CERS6: variants seen among roughly 807,000 people sequenced by gnomAD.
CERS6 encodes LAG1 homolog, ceramide synthase 6.
A neutral mutation model predicts 56.8 loss-of-function variants in CERS6; 26 were observed. The observed-to-expected ratio is 0.46, with a 90% CI of 0.34 to 0.63. CERS6 has a LOEUF of 0.63. Among genes scored for constraint, CERS6 ranks in the 30% least tolerant of loss-of-function variants. The pLI is 0.01. For missense variants in CERS6, 415 were observed against 467.5 expected, an observed-to-expected ratio of 0.89 and a Z score of 1.04; for synonymous variants, 164 against 173.3, an observed-to-expected ratio of 0.95 and a Z score of 0.42.
chr2:168,707,193 A>G (rs367861162), intron 6 of CERS6, among the ~76,000 whole-genome samples: 1 of 152,220 alleles, frequency 6.6e-6, no homozygotes, highest in Non-Finnish European at 1.5e-5. Flanking sequence ...AATTAATTTC[A>G]TGGCACTTGG....
chr2:168,688,014 C>T (rs1670137774), intron 4 of CERS6, among the ~76,000 whole-genome samples: 1 of 152,156 alleles, frequency 6.6e-6, no homozygotes, highest in African/African-American at 2.4e-5. Flanking sequence ...CAAAATTTGG[C>T]TTCAGATTTT....
At chr2:168,682,700 G>A (rs1686250640) in intron 4 of CERS6, among the ~76,000 whole-genome samples, 1 of 152,176 alleles carries the variant, frequency 6.6e-6, no homozygotes, top group South Asian at 2.1e-4. Context: ...GGGAGTTGGT[G>A]GATAAATGCT....
intron 1 of CERS6, among the ~76,000 whole-genome samples, chr2:168,498,384 G>T (rs907761488): frequency 3.3e-5 from 5 of 152,092 alleles, no homozygotes; most frequent in African/African-American, 1.2e-4. Context: ...TTCTAAAAGA[G>T]GGTACCACAA....
intron 4 of CERS6, among the ~76,000 whole-genome samples, chr2:168,644,734 C>A (rs1278108805): frequency 6.6e-6 from 1 of 151,988 alleles, no homozygotes; most frequent in African/African-American, 2.4e-5. Context: ...TTACCAGGCA[C>A]TGAAGAGGTA....
intron 1 of CERS6, among the ~76,000 whole-genome samples, chr2:168,522,414 GT>G (rs1366841066): frequency 2.6e-5 from 4 of 152,134 alleles, no homozygotes; most frequent in Non-Finnish European, 2.9e-5. Context: ...TTTTCTCTTT[GT>G]TACTGCAAGT....
chr2:168,756,139 G>A (rs1478594508), intron 8 of CERS6, among the ~76,000 whole-genome samples: 1 of 152,148 alleles, frequency 6.6e-6, no homozygotes, highest in African/African-American at 2.4e-5. Context: ...AGGTTTCAGA[G>A]CCATTTCTGC....
chr2:168,695,030 G>A lies in CERS6; in HGVS notation c.588G>A (p.Gln196=), dbSNP rs930586082. The change falls in exon 6 of 10, where the codon CAG becomes CAA. Residue 196 remains glutamine, a synonymous_variant. Coordinates refer to ENST00000305747, the MANE Select transcript of CERS6 (RefSeq NM_203463.3). The part of the protein sequence containing the change: ...LSFYWSLMFS[Q]FTDIKRKDFG... ...TTTATTGGTCTTTGATGTTTTCTCA[G>A]TTCACTGATATCAAAAGAAAGGTAA... is the stretch of plus-strand genomic sequence containing the variant. 3 of 1,612,928 alleles carry A rather than the reference G, an allele frequency of 1.9e-6. No homozygotes were observed. In the Admixed American group the frequency reaches 5.0e-5, roughly 27 times the overall value.
At chr2:168,609,115 G>A (rs1318414928) in intron 3 of CERS6, among the ~76,000 whole-genome samples, 1 of 152,088 alleles carries the variant, frequency 6.6e-6, no homozygotes, top group Non-Finnish European at 1.5e-5. Context: ...TGACTTCAAG[G>A]GCATCAGTAG....
At chr2:168,656,211 G>GTAAC (rs1685464950) in intron 4 of CERS6, among the ~76,000 whole-genome samples, 2 of 152,188 alleles carry the variant, frequency 1.3e-5, no homozygotes, top group African/African-American at 4.8e-5. Flanking sequence ...CTTTATAGGG[G>GTAAC]GTTAATGTGT....
chr2:168,521,070 A>T (rs1357856882), intron 1 of CERS6, among the ~76,000 whole-genome samples: 1 of 152,168 alleles, frequency 6.6e-6, no homozygotes, highest in Non-Finnish European at 1.5e-5. Context: ...TTGATAGATT[A>T]CTAAGTCAAG....
At chr2:168,516,361 A>G (rs912627190) in intron 1 of CERS6, among the ~76,000 whole-genome samples, 1 of 152,176 alleles carries the variant, frequency 6.6e-6, no homozygotes, top group Non-Finnish European at 1.5e-5. Context: ...ATGTAATATC[A>G]TATAATAAAT....
At chr2:168,744,380 T>C (rs113932323) in intron 8 of CERS6, among the ~76,000 whole-genome samples, 1 of 152,264 alleles carries the variant, frequency 6.6e-6, no homozygotes, top group African/African-American at 2.4e-5. Context: ...CCTTTTTTTT[T>C]TCAGGCTATC....
intron 1 of CERS6, among the ~76,000 whole-genome samples, chr2:168,494,657 G>C (rs1694432010): frequency 6.6e-6 from 1 of 152,116 alleles, no homozygotes; most frequent in Admixed American, 6.5e-5. Flanking sequence ...CCGAAGAAGA[G>C]ACCCAGAGCC....
chr2:168,680,269 G>A (rs900170684), intron 4 of CERS6, among the ~76,000 whole-genome samples: 3 of 152,152 alleles, frequency 2.0e-5, no homozygotes, highest in Non-Finnish European at 4.4e-5. Flanking sequence ...CGGTCACAGT[G>A]GTCTGCCAAG....
intron 1 of CERS6, among the ~76,000 whole-genome samples, chr2:168,529,822 G>A (rs1695134139): frequency 6.6e-6 from 1 of 152,142 alleles, no homozygotes; most frequent in Non-Finnish European, 1.5e-5. Flanking sequence ...GAATTGTAAG[G>A]CACCTAGAAA....
intron 4 of CERS6, among the ~76,000 whole-genome samples, chr2:168,684,647 A>G (rs955536365): frequency 2.0e-5 from 3 of 152,210 alleles, no homozygotes; most frequent in Non-Finnish European, 2.9e-5. Context: ...ATAAGCAAAG[A>G]TGTTGAGAGG....
chr2:168,600,070 A>G (rs929661553), intron 3 of CERS6, among the ~76,000 whole-genome samples: 1 of 152,090 alleles, frequency 6.6e-6, no homozygotes, highest in African/African-American at 2.4e-5. Context: ...AGGCTCTAAT[A>G]TATCCTGGTT....
chr2:168,553,028 G>C (rs1459431593), intron 2 of CERS6, among the ~76,000 whole-genome samples: 4 of 152,188 alleles, frequency 2.6e-5, no homozygotes, highest in Admixed American at 2.0e-4. Flanking sequence ...AGAAAGAAAT[G>C]GTTGGTCAAC....
At chr2:168,641,697 A>G (rs137883114) in intron 4 of CERS6, among the ~76,000 whole-genome samples, 72 of 152,326 alleles carry the variant, frequency 4.7e-4, no homozygotes, top group African/African-American at 1.7e-3. Context: ...GAGGTGTTCA[A>G]TAAATAGGAA....
Sources: allele counts gnomAD v4.1 joint callset (sites outside exome capture counted in the v4.1 genomes callset), GRCh38; gene constraint gnomAD v4.1.1; transcripts MANE v1.5; gene names NCBI Gene and HGNC (gene_info 2026-07-23, HGNC 2026-07-21).